Variants in PCNX2 observed in about 807,000 individuals in gnomAD.
PCNX2 encodes the protein pecanex 2.
Under a neutral mutation model 223.8 loss-of-function variants are expected in PCNX2, and 168 were observed. The ratio of observed to expected loss-of-function variants is 0.75; its 90% CI spans 0.66 to 0.85. PCNX2 has a LOEUF of 0.85. Among genes scored for constraint, PCNX2 ranks in the 40% least tolerant of loss-of-function variants. The pLI is 0.00. For synonymous variants in PCNX2, 1,006 were observed against 1,052.6 expected (o/e 0.96, Z 0.86); for missense variants, 2,507 against 2,675.5 (o/e 0.94, Z 1.39).
chr1:233,098,496 C>T (rs997133311), intron 21 of PCNX2, among the ~76,000 whole-genome samples: 5 of 152,118 alleles, frequency 3.3e-5, no homozygotes, highest in South Asian at 2.1e-4. Flanking sequence ...TGTTCTTTTC[C>T]TATGACTCTC....
intron 9 of PCNX2, among the ~76,000 whole-genome samples, chr1:233,230,595 T>C (rs1658005256): frequency 6.6e-6 from 1 of 152,210 alleles, no homozygotes; most frequent in Non-Finnish European, 1.5e-5. Flanking sequence ...CATCTCTCCA[T>C]TGCCCAGTAA....
At chr1:233,220,541 G>A (rs373893105) in intron 10 of PCNX2, among the ~76,000 whole-genome samples, 11 of 152,146 alleles carry the variant, frequency 7.2e-5, no homozygotes, top group Admixed American at 2.6e-4. Flanking sequence ...GACTATTGAT[G>A]TTGAATGTCT....
intron 8 of PCNX2, among the ~76,000 whole-genome samples, chr1:233,243,987 A>G (rs573309442): frequency 2.0e-5 from 3 of 152,132 alleles, no homozygotes; most frequent in East Asian, 1.9e-4. Flanking sequence ...ATGTGCCACC[A>G]TGCCCAGCTA....
At chr1:233,211,723 G>A (rs1681829059) in intron 12 of PCNX2, 15 of 958,174 alleles carry the variant, frequency 1.6e-5, no homozygotes, top group Non-Finnish European at 1.9e-5. Context: ...CATGCATGTG[G>A]CACTGGATTC....
the PCNX2 span, among the ~76,000 whole-genome samples, chr1:233,317,450 CA>C: frequency 6.6e-6 from 1 of 151,666 alleles, no homozygotes; most frequent in African/African-American, 2.4e-5. Context: ...CAAACCAAAA[CA>C]AAAAAAACTG....
chr1:233,292,576 T>C (rs1049590553), intron 1 of PCNX2, among the ~76,000 whole-genome samples: 1 of 152,198 alleles, frequency 6.6e-6, no homozygotes, highest in African/African-American at 2.4e-5. Flanking sequence ...TCACAGAACT[T>C]TGACTAAGCC....
intron 21 of PCNX2, among the ~76,000 whole-genome samples, chr1:233,125,096 C>T (rs543888195): frequency 5.5e-4 from 84 of 152,340 alleles, no homozygotes; most frequent in Middle Eastern, 3.4e-3. Flanking sequence ...AGAACTCACT[C>T]TGTTTCAGGA....
intron 21 of PCNX2, among the ~76,000 whole-genome samples, chr1:233,128,681 A>G (rs1389357889): frequency 6.6e-6 from 1 of 152,178 alleles, no homozygotes; most frequent in East Asian, 1.9e-4. Flanking sequence ...GAGGTCATGA[A>G]AGAGTATTTG....
At chr1:233,201,110 TAAAAAA>T (rs201019503) in intron 13 of PCNX2, among the ~76,000 whole-genome samples, 1 of 110,392 alleles carries the variant, frequency 9.1e-6, no homozygotes. Context: ...CTTAAAGTAT[TAAAAAA>T]AAAAAAAAAA....
At chr1:233,030,632 G>A (rs1402598902) in intron 25 of PCNX2, among the ~76,000 whole-genome samples, 1 of 152,134 alleles carries the variant, frequency 6.6e-6, no homozygotes, top group Non-Finnish European at 1.5e-5. Flanking sequence ...GGCTGGGAAG[G>A]TCCAGAGTAG....
intron 21 of PCNX2, among the ~76,000 whole-genome samples, chr1:233,115,413 G>A (rs998079518): frequency 6.6e-6 from 1 of 152,102 alleles, no homozygotes; most frequent in Non-Finnish European, 1.5e-5. Context: ...AAGTCAAGAT[G>A]AGACAAAAAC....
chr1:233,062,891 T>C (rs577517167), intron 23 of PCNX2, among the ~76,000 whole-genome samples: 12 of 152,168 alleles, frequency 7.9e-5, no homozygotes, highest in East Asian at 1.9e-4. Context: ...ATAAATGAAA[T>C]AGGTAATCCC....
intron 15 of PCNX2, among the ~76,000 whole-genome samples, chr1:233,190,983 A>C (rs976358042): frequency 6.6e-6 from 1 of 152,234 alleles, no homozygotes; most frequent in Non-Finnish European, 1.5e-5. Context: ...AATGTCTGAC[A>C]TGAAAATGGA....
chr1:233,141,514 A>C (rs944163569), intron 19 of PCNX2, among the ~76,000 whole-genome samples: 2 of 152,064 alleles, frequency 1.3e-5, no homozygotes, highest in Admixed American at 1.3e-4. Flanking sequence ...AAAAATACAA[A>C]AGTTAGCTGG....
At chr1:233,204,271 G>A (rs978686494) in intron 13 of PCNX2, among the ~76,000 whole-genome samples, 6 of 152,082 alleles carry the variant, frequency 3.9e-5, no homozygotes, top group Admixed American at 6.5e-5. Flanking sequence ...CAAGGAGAAC[G>A]GCCTGGAACA....
chr1:233,309,384 T>C, the PCNX2 span, among the ~76,000 whole-genome samples: 1 of 149,680 alleles, frequency 6.7e-6, no homozygotes, highest in Non-Finnish European at 1.5e-5. Flanking sequence ...TCTACTAAAA[T>C]ACAAAAATCA....
chr1:233,248,888 C>A (rs1308974697), intron 8 of PCNX2, among the ~76,000 whole-genome samples: 1 of 152,160 alleles, frequency 6.6e-6, no homozygotes, highest in African/African-American at 2.4e-5. Context: ...TTCACCAAGG[C>A]TGAATGCACT....
chr1:233,062,275 G>A (rs946297435), intron 23 of PCNX2, among the ~76,000 whole-genome samples: 1 of 151,902 alleles, frequency 6.6e-6, no homozygotes, highest in Non-Finnish European at 1.5e-5. Flanking sequence ...ATGTATATGT[G>A]TTTGTGCATG....
At chr1:233,026,956 G>A (rs1262898540) in intron 25 of PCNX2, among the ~76,000 whole-genome samples, 1 of 152,166 alleles carries the variant, frequency 6.6e-6, no homozygotes, top group East Asian at 1.9e-4. Flanking sequence ...AGCACGTAGG[G>A]GCTATTTCAA....
Sources: gnomAD v4.1 joint callset for allele counts (sites outside exome capture counted in the v4.1 genomes callset) on GRCh38, gnomAD v4.1.1 for gene constraint, MANE v1.5 for transcripts, NCBI Gene and HGNC (gene_info 2026-07-23, HGNC 2026-07-21) for gene names.